The following ARHGAP42 variants were observed in gnomAD, a reference collection of about 807,000 sequenced individuals.
ARHGAP42 encodes Rho GTPase activating protein 42.
A neutral mutation model predicts 125.0 loss-of-function variants in ARHGAP42; 63 were observed. That is an observed-to-expected ratio of 0.50 (90% CI 0.41 to 0.62). The LOEUF is 0.62. Ranked by LOEUF, ARHGAP42 falls within the 20% of genes least tolerant of loss-of-function variation. The pLI is 0.00. For synonymous variants in ARHGAP42, 339 were observed against 351.0 expected (o/e 0.97, Z 0.38); for missense variants, 766 against 1,024.2 (o/e 0.75, Z 3.44).
chr11:100,718,528 A>G (rs1591125651), intron 1 of ARHGAP42, among the ~76,000 whole-genome samples: 1 of 152,354 alleles, frequency 6.6e-6, no homozygotes, highest in East Asian at 1.9e-4. Context: ...GCCAACCTGC[A>G]AAGTTTGAAG....
chr11:100,771,065 C>CT (rs35132040), intron 2 of ARHGAP42, among the ~76,000 whole-genome samples: 116,707 of 151,860 alleles, frequency 0.77, 45,091 homozygotes, highest in East Asian at 1. Flanking sequence ...AATTATCTTC[C>CT]TTTTTTTTCT....
chr11:100,920,992 C>T (rs1015510228), intron 5 of ARHGAP42, among the ~76,000 whole-genome samples: 6 of 151,452 alleles, frequency 4.0e-5, no homozygotes, highest in East Asian at 1.9e-4. Context: ...TCTTCTTCTC[C>T]GTGTGTTCAT....
At chr11:100,815,446 C>G (rs1408982620) in intron 3 of ARHGAP42, among the ~76,000 whole-genome samples, 2 of 152,250 alleles carry the variant, frequency 1.3e-5, no homozygotes, top group Non-Finnish European at 2.9e-5. Flanking sequence ...CACTGATGCT[C>G]TATTCTGTAT....
intron 8 of ARHGAP42, among the ~76,000 whole-genome samples, 199 bp from the exon 9 acceptor site, chr11:100,941,585 C>T (rs576602230): frequency 8.1e-6 from 1 of 122,842 alleles, no homozygotes; most frequent in African/African-American, 3.1e-5. Context: ...GAGCTGCAAG[C>T]AGAGCCACGT....
chr11:100,847,095 G>A (rs570929466), intron 3 of ARHGAP42, among the ~76,000 whole-genome samples: 1 of 152,242 alleles, frequency 6.6e-6, no homozygotes, highest in Admixed American at 6.5e-5. Flanking sequence ...TAAAAAGCAT[G>A]CAGGTTACAT....
rs755748682 is a variant in ARHGAP42, at chr11:100,913,428, TTTG to T, written c.385-18_385-16del. 5.5e-5 allele frequency: 62 copies of T among 1,136,338 alleles called. 1 individual carries two copies. Among genetic ancestry groups the T allele is most frequent in the Non-Finnish European group, 5.9e-5 (51 of 871,192 alleles). 70.4% of individuals were successfully genotyped at this position (1,136,338 alleles called of 1,614,324 possible). A position where few individuals can be genotyped will look rare whatever the true frequency, so the allele number is the denominator to read the frequency against. On this transcript the variant is annotated intron_variant, in intron 4 of 23. Transcript: ENST00000298815. ...TCTGGGTGCTCTGAGTTAAATATTT[TTTG>T]TTGTTATTGCTCTCCTTTAGGATGG...
At chr11:100,863,603 T>C (rs923749936) in intron 4 of ARHGAP42, among the ~76,000 whole-genome samples, 3 of 152,178 alleles carry the variant, frequency 2.0e-5, no homozygotes, top group African/African-American at 7.2e-5. Flanking sequence ...TGAGAGGCAT[T>C]AGAAAAGATT....
In ARHGAP42 at chr11:100,913,505, A is replaced by G. The variant is rs527481935; in HGVS notation, c.438A>G (p.Glu146=). Residue 146 remains glutamate, a synonymous_variant, in exon 5 of 24, where the codon GAA becomes GAG. Transcript: ENST00000298815. ...GTGAAAAATATTACTCTATCCTTGA[A>G]AAGCATTTAAATTTGTCCGCAAAGA... ...KESEKYYSIL[E]KHLNLSAKKK... The G allele has an allele frequency of 7.4e-5, 96 of 1,299,058 alleles. No individual in the cohort carries two copies. The highest frequency in any genetic ancestry group is 9.5e-5 in the Non-Finnish European group (94 of 986,808). 80.5% of individuals were successfully genotyped at this position (1,299,058 alleles called of 1,614,324 possible). A position where few individuals can be genotyped will look rare whatever the true frequency, so the allele number is the denominator to read the frequency against.
intron 2 of ARHGAP42, among the ~76,000 whole-genome samples, chr11:100,793,070 A>T (rs947959683): frequency 6.6e-6 from 1 of 151,990 alleles, no homozygotes; most frequent in African/African-American, 2.4e-5. Context: ...TTCTTTTTTT[A>T]AAAAACATAC....
chr11:100,763,741 C>T lies in ARHGAP42; in HGVS notation c.155-6602C>T, dbSNP rs557821803. Reference sequence around the variant, plus strand: ...CTGATTTCAGGTGATCCACCTGCCTCAGCCTCCCAAAGTGCTGGGATTACA... The same window carrying T: ...CTGATTTCAGGTGATCCACCTGCCTTAGCCTCCCAAAGTGCTGGGATTACA... On this transcript the variant is annotated intron_variant, in intron 1 of 23. Coordinates refer to ENST00000298815, the MANE Select transcript of ARHGAP42 (RefSeq NM_152432.4). Among the ~76,000 whole-genome samples the T allele has an allele frequency of 1.7e-3, 265 of 152,296 alleles. 2 individuals carry two copies. Among genetic ancestry groups the T allele is most frequent in the Non-Finnish European group, 3.3e-3 (222 of 68,032 alleles).
chr11:100,981,612 A>G (rs1858547589), intron 22 of ARHGAP42, among the ~76,000 whole-genome samples: 1 of 152,234 alleles, frequency 6.6e-6, no homozygotes, highest in Non-Finnish European at 1.5e-5. Flanking sequence ...CAGGCACTGC[A>G]GGTCATTGAA....
chr11:100,916,224 A>G (rs1184251578), intron 5 of ARHGAP42, among the ~76,000 whole-genome samples: 3 of 152,264 alleles, frequency 2.0e-5, no homozygotes, highest in Non-Finnish European at 2.9e-5. Context: ...AGAAAGGAGT[A>G]ATATTTGTTA....
chr11:100,972,035 C>T (rs114418588), intron 17 of ARHGAP42, among the ~76,000 whole-genome samples: 91 of 152,268 alleles, frequency 6.0e-4, no homozygotes, highest in African/African-American at 2.1e-3. Flanking sequence ...ACTCTTCTTA[C>T]TTGAAGTAAA....
chr11:100,834,318 A>C (rs1023835832), intron 3 of ARHGAP42, among the ~76,000 whole-genome samples: 2 of 152,070 alleles, frequency 1.3e-5, no homozygotes, highest in African/African-American at 4.8e-5. Context: ...CATTTCTTTT[A>C]TGGGTCATTT....
At chr11:100,732,727 G>GTCTATGGCAT (rs1861981235) in intron 1 of ARHGAP42, among the ~76,000 whole-genome samples, 1 of 152,188 alleles carries the variant, frequency 6.6e-6, no homozygotes, top group Non-Finnish European at 1.5e-5. Flanking sequence ...ATGGCATAGT[G>GTCTATGGCAT]AGTGACTGGC....
intron 22 of ARHGAP42, 145 bp downstream of exon 22, chr11:100,979,194 T>C (rs1858468670): frequency 4.0e-6 from 3 of 746,310 alleles, no homozygotes; most frequent in African/African-American, 3.5e-5. Context: ...CAGGAAGTCA[T>C]GTCTGTAAAC....
At chr11:100,805,390 T>C (rs1488900094) in intron 3 of ARHGAP42, among the ~76,000 whole-genome samples, 3 of 152,152 alleles carry the variant, frequency 2.0e-5, no homozygotes, top group Admixed American at 2.0e-4. Context: ...TTACAAAAAT[T>C]AGGGAAGAAG....
chr11:100,955,413 T>G (rs958268130), intron 12 of ARHGAP42, among the ~76,000 whole-genome samples: 8 of 152,082 alleles, frequency 5.3e-5, no homozygotes, highest in African/African-American at 1.4e-4. Context: ...TGCTTCTCTC[T>G]ACAATGGAGG....
intron 3 of ARHGAP42, among the ~76,000 whole-genome samples, chr11:100,810,548 T>G (rs893039937): frequency 2.4e-4 from 37 of 152,242 alleles, no homozygotes; most frequent in African/African-American, 7.0e-4. Flanking sequence ...TGAAAAATGA[T>G]GTACTCTTCA....
Sources: allele counts gnomAD v4.1 joint callset (sites outside exome capture counted in the v4.1 genomes callset), GRCh38; gene constraint gnomAD v4.1.1; transcripts MANE v1.5; gene names NCBI Gene and HGNC (gene_info 2026-07-23, HGNC 2026-07-21).